Variants in DHRSX observed in about 807,000 individuals in gnomAD.
The protein encoded by DHRSX is dehydrogenase/reductase X-linked.
DHRSX carries 31 observed loss-of-function variants against 34.0 expected under a neutral mutation model. That is an observed-to-expected ratio of 0.91 (90% confidence interval 0.69 to 1.23). The LOEUF (loss-of-function observed/expected upper bound fraction) is 1.23, where lower values mean the gene tolerates loss of function less well. DHRSX is among the 50% of genes most tolerant of loss of function. DHRSX has a pLI of 0.00. For synonymous variants in DHRSX, 201 were observed against 183.8 expected (o/e 1.09, Z -0.76); for missense variants, 414 against 428.1 (o/e 0.97, Z 0.29).
At chrX:2,450,863 G>A (rs1222138573) in intron 1 of DHRSX, among the ~76,000 whole-genome samples, 6 of 152,038 alleles carry the variant, frequency 3.9e-5, no homozygotes, top group Non-Finnish European at 8.8e-5. Context: ...GGAGTCAGGA[G>A]GTGGGAGACT....
At chrX:2,236,918 G>A (rs1306036951) in intron 6 of DHRSX, among the ~76,000 whole-genome samples, 1 of 151,972 alleles carries the variant, frequency 6.6e-6, no homozygotes, top group Non-Finnish European at 1.5e-5. Context: ...GCTGGGTAGG[G>A]TGTCTCATGC....
At chrX:2,490,793 C>T (rs1350390913) in intron 1 of DHRSX, 2 of 1,553,376 alleles carry the variant, frequency 1.3e-6, no homozygotes, top group Non-Finnish European at 1.7e-6. Context: ...CCAAGACAAA[C>T]ACAGCATGAG....
chrX:2,296,585 T>A (rs1454371291), intron 3 of DHRSX, among the ~76,000 whole-genome samples: 1 of 70,784 alleles, frequency 1.4e-5, no homozygotes, highest in Non-Finnish European at 2.5e-5. Context: ...CAGATAGGAA[T>A]AGGACCCAGG....
At chrX:2,338,061 G>C (rs771352797) in intron 3 of DHRSX, 2 of 151,260 alleles carry the variant, frequency 1.3e-5, no homozygotes, top group East Asian at 3.9e-4. Context: ...GGCCAGGCAT[G>C]GTGGCTCATG....
chrX:2,270,333 C>CT (rs1416802133), intron 4 of DHRSX, among the ~76,000 whole-genome samples: 3 of 152,158 alleles, frequency 2.0e-5, no homozygotes, highest in Non-Finnish European at 4.4e-5. Flanking sequence ...CTTTGGAACT[C>CT]CTACAGAGTT....
intron 1 of DHRSX, among the ~76,000 whole-genome samples, chrX:2,479,178 C>T (rs2044730080): frequency 1.3e-5 from 2 of 151,778 alleles, no homozygotes; most frequent in Admixed American, 6.6e-5. Context: ...TGAAGACGTT[C>T]CCTAAGCATG....
chrX:2,393,962 A>T lies in DHRSX; in HGVS notation c.286+14783T>A, dbSNP rs186616769. Reference sequence around the variant, plus strand: ...TGCGCACACACAACACACAGGGACCATTCGGGGTTCAGGGACGCGTGTCCA... The same window carrying T: ...TGCGCACACACAACACACAGGGACCTTTCGGGGTTCAGGGACGCGTGTCCA... On this transcript the variant is annotated intron_variant, in intron 3 of 6. Transcript: ENST00000334651. Among the ~76,000 whole-genome samples the T allele has an allele frequency of 2.2e-3, 341 of 152,312 alleles. 1 individual carries two copies. Among genetic ancestry groups the T allele is most frequent in the Admixed American group, 3.5e-3 (54 of 15,296 alleles).
intron 3 of DHRSX, among the ~76,000 whole-genome samples, chrX:2,311,204 CAG>C (rs201172331): frequency 0.021 from 3,236 of 151,328 alleles, 120 homozygotes; most frequent in African/African-American, 0.075. Flanking sequence ...ATGAGAGAGA[CAG>C]AGGTTGTGAC....
At chrX:2,314,378 G>GAAGGGAGGGAAGGAAGGAAGGGGA (rs2042208416) in intron 3 of DHRSX, among the ~76,000 whole-genome samples, 1 of 38,896 alleles carries the variant, frequency 2.6e-5, no homozygotes, top group African/African-American at 1.3e-4. Context: ...GAGAGGGAAA[G>GAAGGGAGGGAAGGAAGGAAGGGGA]GAATGGAGGG....
chrX:2,268,847 G>A (rs868722658), intron 4 of DHRSX, among the ~76,000 whole-genome samples: 2 of 152,170 alleles, frequency 1.3e-5, no homozygotes, highest in African/African-American at 2.4e-5. Context: ...GAACATCTAC[G>A]TGTATTGCAC....
intron 3 of DHRSX, among the ~76,000 whole-genome samples, chrX:2,378,460 TCAA>T (rs897288655): frequency 5.8e-4 from 88 of 152,064 alleles, no homozygotes; most frequent in Admixed American, 3.3e-4. Flanking sequence ...CTCCTCCTCC[TCAA>T]CGTCAAGATG....
intron 3 of DHRSX, chrX:2,334,601 A>T (rs1163878979): frequency 1.3e-5 from 2 of 152,060 alleles, no homozygotes; most frequent in Non-Finnish European, 2.9e-5. Flanking sequence ...CCACATGTAC[A>T]CACCACCATG....
intron 1 of DHRSX, among the ~76,000 whole-genome samples, chrX:2,474,611 C>G (rs1403644168): frequency 1.3e-5 from 2 of 148,754 alleles, no homozygotes; most frequent in African/African-American, 5.0e-5. Context: ...GGCTAAGGGA[C>G]GGCGGCCATC....
rs2044369096 is a variant in DHRSX, at chrX:2,459,548, G to GTGTA, written c.110-34248_110-34245dup. ...AGAGAGAGAGAGAATGTGTGTCTGTGTGTATATATATATATATATATATAT... is the reference window on the plus strand; with the variant it reads ...AGAGAGAGAGAGAATGTGTGTCTGTGTGTATGTATATATATATATATATATATAT... On this transcript the variant is annotated intron_variant, in intron 1 of 6. Coordinates refer to ENST00000334651, the MANE Select transcript of DHRSX (RefSeq NM_145177.3). Among the ~76,000 whole-genome samples the GTGTA allele has an allele frequency of 9.2e-5, 3 of 32,574 alleles. No individual in the cohort carries two copies. In the South Asian group the frequency reaches 4.9e-3, roughly 53 times the overall value. 21.4% of individuals were successfully genotyped at this position (32,574 alleles called of 152,430 possible). A position where few individuals can be genotyped will look rare whatever the true frequency, so the allele number is the denominator to read the frequency against.
At chrX:2,500,722 G>A in intron 1 of DHRSX, 95 bp downstream of exon 1, 1 of 319,444 alleles carries the variant, frequency 3.1e-6, no homozygotes, top group Non-Finnish European at 3.9e-6. Context: ...CCACCGCCTC[G>A]CCAAGGTCAC....
chrX:2,249,523 T>TA (rs2016385301), intron 5 of DHRSX, among the ~76,000 whole-genome samples: 1 of 111,954 alleles, frequency 8.9e-6, no homozygotes, highest in Non-Finnish European at 1.7e-5. Flanking sequence ...CTTTTTTTTT[T>TA]TTTTTTTTTT....
chrX:2,398,924 C>T (rs2043448276), intron 3 of DHRSX, among the ~76,000 whole-genome samples: 1 of 152,118 alleles, frequency 6.6e-6, no homozygotes. Context: ...GCGATCTCGG[C>T]TCACTGCAAG....
At chrX:2,494,241 G>A (rs1472677412) in intron 1 of DHRSX, among the ~76,000 whole-genome samples, 1 of 151,656 alleles carries the variant, frequency 6.6e-6, no homozygotes, top group African/African-American at 2.4e-5. Flanking sequence ...ACAGGTCCTG[G>A]TACCTGTAGC....
At chrX:2,359,918 C>G (rs1309897080) in intron 3 of DHRSX, among the ~76,000 whole-genome samples, 1 of 151,924 alleles carries the variant, frequency 6.6e-6, no homozygotes, top group Non-Finnish European at 1.5e-5. Flanking sequence ...TCATTGAGGC[C>G]TATCAGAAGG....
Sources: allele counts gnomAD v4.1 joint callset (sites outside exome capture counted in the v4.1 genomes callset), GRCh38; gene constraint gnomAD v4.1.1; transcripts MANE v1.5; gene names NCBI Gene and HGNC (gene_info 2026-07-23, HGNC 2026-07-21).